Variants in NEGR1 observed in about 807,000 individuals in gnomAD.
NEGR1 encodes neuronal growth regulator 1.
A neutral mutation model predicts 40.9 loss-of-function variants in NEGR1; 10 were observed. That is an observed-to-expected ratio of 0.24 (90% CI 0.15 to 0.42). The LOEUF (loss-of-function observed/expected upper bound fraction) is 0.42, where lower values mean the gene tolerates loss of function less well. Among genes scored for constraint, NEGR1 ranks in the 10% least tolerant of loss-of-function variants. The probability of loss-of-function intolerance (pLI) is 1.00; values close to 1 mark genes in which losing one functional copy is unlikely to be tolerated. For synonymous variants in NEGR1, 185 were observed against 166.8 expected, an observed-to-expected ratio of 1.11 and a Z score of -0.84; for missense variants, 352 against 438.9, an observed-to-expected ratio of 0.80 and a Z score of 1.77.
At chr1:71,678,678 T>C (rs1239217240) in intron 4 of NEGR1, among the ~76,000 whole-genome samples, 2 of 152,140 alleles carry the variant, frequency 1.3e-5, no homozygotes, top group African/African-American at 4.8e-5. Flanking sequence ...GTCTTATTTG[T>C]TCAACATTTT....
intron 2 of NEGR1, among the ~76,000 whole-genome samples, chr1:71,797,876 C>T (rs541440549): frequency 7.9e-5 from 12 of 151,356 alleles, no homozygotes; most frequent in Admixed American, 2.7e-4. Flanking sequence ...TCATTTTTAT[C>T]GAATATCTTT....
intron 1 of NEGR1, among the ~76,000 whole-genome samples, chr1:72,160,483 T>TA (rs766278708): frequency 1.3e-5 from 2 of 152,034 alleles, no homozygotes; most frequent in Non-Finnish European, 2.9e-5. Flanking sequence ...TGACTAAACA[T>TA]AAAAATATTT....
intron 2 of NEGR1, among the ~76,000 whole-genome samples, chr1:71,888,342 G>T (rs917724503): frequency 3.3e-5 from 5 of 151,996 alleles, no homozygotes; most frequent in African/African-American, 1.2e-4. Context: ...GACAGTGGGC[G>T]CAGGCCAGTG....
chr1:71,853,194 T>G (rs1408257925), intron 2 of NEGR1, among the ~76,000 whole-genome samples: 1 of 152,148 alleles, frequency 6.6e-6, no homozygotes, highest in African/African-American at 2.4e-5. Flanking sequence ...TTTATTGAAT[T>G]AAATTACACG....
chr1:72,223,896 G>A lies in NEGR1; in HGVS notation c.176+58423C>T, dbSNP rs556906543. 5.3e-5 allele frequency among the ~76,000 whole-genome samples: 8 copies of A among 152,056 alleles called. No homozygotes were observed. The South Asian group carries it at 1.5e-3, about 28-fold the overall frequency. ...CCCAGCAGCTTGACAGCTTTGTTACGGTTTAGATTCCCCAAGGAAAGTCTC... is the reference window on the plus strand; with the variant it reads ...CCCAGCAGCTTGACAGCTTTGTTACAGTTTAGATTCCCCAAGGAAAGTCTC... On this transcript the variant is annotated intron_variant, in intron 1 of 6. Coordinates refer to ENST00000357731, the MANE Select transcript of NEGR1 (RefSeq NM_173808.3).
intron 6 of NEGR1, among the ~76,000 whole-genome samples, chr1:71,466,528 G>A (rs146106685): frequency 6.6e-6 from 1 of 152,174 alleles, no homozygotes; most frequent in Non-Finnish European, 1.5e-5. Context: ...AATAGAGCTG[G>A]GGAATGGTGA....
At chr1:71,448,559 A>G (rs993226208) in intron 6 of NEGR1, among the ~76,000 whole-genome samples, 6 of 152,194 alleles carry the variant, frequency 3.9e-5, no homozygotes, top group Non-Finnish European at 5.9e-5. Flanking sequence ...AGATTGCACC[A>G]CTGCACTCCA....
At chr1:72,227,404 A>G (rs1654226143) in intron 1 of NEGR1, among the ~76,000 whole-genome samples, 1 of 152,142 alleles carries the variant, frequency 6.6e-6, no homozygotes, top group Non-Finnish European at 1.5e-5. Context: ...GATGTGATCT[A>G]AAAGCAAGAA....
chr1:71,603,782 T>G lies in NEGR1; in HGVS notation c.788+7244A>C, dbSNP rs566019788. The stretch of plus-strand genomic sequence containing the variant: ...TTCTTATCTCATTTTTAAAATTTTC[T>G]GTCTCAGCTCATTTAATGCATGAAT... On this transcript the variant is annotated intron_variant, in intron 5 of 6. Transcript: ENST00000357731. Among the ~76,000 whole-genome samples, 154 of 152,336 alleles carry G rather than the reference T, an allele frequency of 1.0e-3. 1 individual carries two copies. The highest frequency in any genetic ancestry group is 3.6e-3 in the African/African-American group (149 of 41,592).
At chr1:72,202,845 T>C (rs936887716) in intron 1 of NEGR1, among the ~76,000 whole-genome samples, 2 of 152,026 alleles carry the variant, frequency 1.3e-5, no homozygotes, top group African/African-American at 4.8e-5. Flanking sequence ...TTTTAGAGCC[T>C]TTAAGAATTA....
At chr1:71,503,386 C>T (rs542950813) in intron 6 of NEGR1, among the ~76,000 whole-genome samples, 3 of 152,096 alleles carry the variant, frequency 2.0e-5, no homozygotes, top group Non-Finnish European at 4.4e-5. Context: ...CAGCGAAAAG[C>T]CCTGAGACCC....
At chr1:71,750,034 C>G (rs1027656622) in intron 3 of NEGR1, among the ~76,000 whole-genome samples, 3 of 147,812 alleles carry the variant, frequency 2.0e-5, no homozygotes, top group East Asian at 2.0e-4. Flanking sequence ...TCGCCCAGGC[C>G]GGACTGCGGA....
intron 3 of NEGR1, among the ~76,000 whole-genome samples, chr1:71,774,503 A>G (rs1184224341): frequency 6.6e-6 from 1 of 152,148 alleles, no homozygotes; most frequent in Non-Finnish European, 1.5e-5. Flanking sequence ...TGATGTGGGT[A>G]AGATTGATTA....
In NEGR1 at chr1:71,930,735, G is replaced by T. The variant is rs563490471; in HGVS notation, c.409+4344C>A. Among the ~76,000 whole-genome samples, 6 of 152,320 alleles carry T rather than the reference G, an allele frequency of 3.9e-5. No individual in the cohort carries two copies. In the South Asian group the frequency reaches 1.0e-3, roughly 26 times the overall value. On this transcript the variant is annotated intron_variant, in intron 2 of 6. Transcript: ENST00000357731. ...AAACAAGACAGAGTTTAGAGTGCAA[G>T]ATGTTTATTAGGAAATATCCTTGTG...
intron 6 of NEGR1, among the ~76,000 whole-genome samples, chr1:71,491,220 T>C (rs1646925487): frequency 2.0e-5 from 3 of 152,180 alleles, no homozygotes; most frequent in Admixed American, 6.6e-5. Flanking sequence ...TTAGGCATTA[T>C]AAGTAGTCAA....
intron 6 of NEGR1, among the ~76,000 whole-genome samples, chr1:71,560,820 G>T (rs371787035): frequency 1.3e-5 from 2 of 151,314 alleles, no homozygotes; most frequent in African/African-American, 4.8e-5. Context: ...CCCTGAAGTA[G>T]GAAAGATTTT....
At position 72,026,550 on chromosome 1, in the gene NEGR1, C is replaced by CA. The variant is rs768478636; in HGVS notation, c.177-91240dup. On this transcript the variant is annotated intron_variant, in intron 1 of 6. Coordinates refer to ENST00000357731, the MANE Select transcript of NEGR1 (RefSeq NM_173808.3). ...ATGACATTCTTTAAAACAACAACAA[C>CA]AAAAAAAACCCTCATTCCTTCTAAT... Among the ~76,000 whole-genome samples, 8 of 141,694 alleles carry CA rather than the reference C, an allele frequency of 5.6e-5. No homozygotes were observed. The East Asian group carries it at 1.0e-3, about 18-fold the overall frequency. The allele number at this position is 141,694 out of a possible 152,430, so 93.0% of individuals were successfully genotyped here.
intron 1 of NEGR1, among the ~76,000 whole-genome samples, chr1:72,033,676 T>A (rs1557493316): frequency 6.6e-6 from 1 of 152,212 alleles, no homozygotes; most frequent in East Asian, 1.9e-4. Context: ...GTATGAGACA[T>A]CTAACTGGGT....
intron 2 of NEGR1, among the ~76,000 whole-genome samples, chr1:71,909,591 C>G (rs933425618): frequency 2.0e-5 from 3 of 152,114 alleles, no homozygotes; most frequent in Admixed American, 1.3e-4. Flanking sequence ...ACATCTCACT[C>G]AAGTACCCAC....
Sources: gnomAD v4.1 joint callset for allele counts (sites outside exome capture counted in the v4.1 genomes callset) on GRCh38, gnomAD v4.1.1 for gene constraint, MANE v1.5 for transcripts, NCBI Gene and HGNC (gene_info 2026-07-23, HGNC 2026-07-21) for gene names.